BOC: variants seen among roughly 807,000 people sequenced by gnomAD.
The protein encoded by BOC is brother of CDO.
BOC carries 76 observed loss-of-function variants against 112.0 expected under a neutral mutation model. The observed-to-expected ratio is 0.68, with a 90% CI of 0.56 to 0.82. The LOEUF is 0.82. Ranked by LOEUF, BOC falls within the 40% of genes least tolerant of loss-of-function variation. The probability of loss-of-function intolerance (pLI) is 0.00; values close to 1 mark genes in which losing one functional copy is unlikely to be tolerated. For missense variants in BOC, 1,309 were observed against 1,511.7 expected, an observed-to-expected ratio of 0.87 and a Z score of 2.22; for synonymous variants, 580 against 599.8, an observed-to-expected ratio of 0.97 and a Z score of 0.48.
rs149406837 is a variant in BOC at position 113,275,706 on chromosome 3, C to A, written c.1542+1024C>A. The stretch of plus-strand genomic sequence containing the variant: ...TGGAATTAAAAGTCTTTCTCCACTC[C>A]TCCCCACCTCCACAAACAAGCAAGA... On this transcript the variant is annotated intron_variant, in intron 9 of 19. Transcript: ENST00000682979. Among the ~76,000 whole-genome samples, 360 of 152,338 alleles carry A rather than the reference C, an allele frequency of 2.4e-3. 9 individuals are homozygous for A. Among genetic ancestry groups the A allele is most frequent in the Admixed American group, 0.02 (312 of 15,306 alleles).
rs902024413 is a variant in BOC, at chr3:113,287,211, T to G, written c.*349T>G. On this transcript the variant is annotated 3_prime_UTR_variant, in exon 20 of 20. Transcript: ENST00000682979. ...GGCAAGAGGAAGGATCCCAGGCACA[T>G]GGTTCATCACGAGCATGAGGGAACA... 7.8e-6 allele frequency: 3 copies of G among 384,764 alleles called. No homozygotes were observed. The highest frequency in any genetic ancestry group is 4.3e-5 in the African/African-American group (2 of 46,972). The allele number at this position is 384,764 out of a possible 1,614,324, so 23.8% of individuals were successfully genotyped here.
chr3:113,222,444 T>A lies in BOC; in HGVS notation c.-82+6170T>A, dbSNP rs549074283. On this transcript the variant is annotated intron_variant, in intron 2 of 19. Transcript: ENST00000682979. ...ATATGGGGGGAAAATAGGAGAGATG[T>A]CCCGAGAATGCTACTGTTAAGAGTA... Among the ~76,000 whole-genome samples the A allele has an allele frequency of 2.0e-5, 3 of 152,332 alleles. No homozygotes were observed. The South Asian group carries it at 6.2e-4, about 32-fold the overall frequency.
intron 9 of BOC, among the ~76,000 whole-genome samples, chr3:113,275,689 A>G (rs1312667572): frequency 6.6e-6 from 1 of 152,232 alleles, no homozygotes; most frequent in Non-Finnish European, 1.5e-5. Flanking sequence ...TGTGGAATTA[A>G]AAGTCTTTCT....
chr3:113,240,445 A>G (rs948359852), intron 2 of BOC, among the ~76,000 whole-genome samples: 3 of 152,106 alleles, frequency 2.0e-5, no homozygotes, highest in African/African-American at 7.2e-5. Context: ...ATCTGCCCCA[A>G]CCCTGACTGT....
chr3:113,284,611 G>A (rs927341394), intron 17 of BOC, 44 bp downstream of exon 17: 1 of 1,582,862 alleles, frequency 6.3e-7, no homozygotes. Flanking sequence ...GGACACCCAG[G>A]AGGGAGTGGC....
chr3:113,275,921 C>T (rs375731021), intron 9 of BOC, among the ~76,000 whole-genome samples: 2 of 152,308 alleles, frequency 1.3e-5, no homozygotes, highest in Non-Finnish European at 2.9e-5. Context: ...CAGAGCACCC[C>T]CTATGCTCCC....
intron 16 of BOC, among the ~76,000 whole-genome samples, 154 bp downstream of exon 16, chr3:113,283,786 C>T (rs1035782900): frequency 2.0e-5 from 3 of 151,606 alleles, no homozygotes; most frequent in Admixed American, 2.0e-4. Context: ...TGGGCCCCTC[C>T]CCCAGCTCAC....
intron 2 of BOC, among the ~76,000 whole-genome samples, chr3:113,236,096 A>C (rs942946986): frequency 3.3e-5 from 5 of 151,758 alleles, no homozygotes; most frequent in Admixed American, 2.6e-4. Context: ...CATTACATAA[A>C]AAAGATACGT....
In BOC at chr3:113,258,339, C is replaced by G. The variant is rs146930533; in HGVS notation, c.376+7506C>G. Among the ~76,000 whole-genome samples, 537 of 152,296 alleles carry G rather than the reference C, an allele frequency of 3.5e-3. 2 individuals are homozygous for G. Among genetic ancestry groups the G allele is most frequent in the African/African-American group, 0.012 (489 of 41,540 alleles). ...TGGTGAGCTCAATCGAATTCTTAAT[C>G]TAGCCACCAGGTGATTGTCTCTCTC... On this transcript the variant is annotated intron_variant, in intron 4 of 19. Transcript: ENST00000682979.
intron 2 of BOC, among the ~76,000 whole-genome samples, chr3:113,221,318 T>C (rs1336984283): frequency 6.6e-6 from 1 of 152,292 alleles, no homozygotes; most frequent in East Asian, 1.9e-4. Context: ...AGCCCACTGA[T>C]AGAGTCCTCA....
chr3:113,233,132 G>A (rs1415852013), intron 2 of BOC, among the ~76,000 whole-genome samples: 2 of 147,142 alleles, frequency 1.4e-5, no homozygotes, highest in African/African-American at 5.1e-5. Context: ...GCATGCATGA[G>A]CATGTAAAGG....
At chr3:113,280,835 C>T (rs1156714066) in intron 14 of BOC, among the ~76,000 whole-genome samples, 172 bp downstream of exon 14, 1 of 152,174 alleles carries the variant, frequency 6.6e-6, no homozygotes, top group African/African-American at 2.4e-5. Flanking sequence ...CTGTCAACTT[C>T]ATGAACCCAT....
chr3:113,246,945 G>A (rs1218973308), intron 2 of BOC, among the ~76,000 whole-genome samples: 1 of 152,132 alleles, frequency 6.6e-6, no homozygotes, highest in African/African-American at 2.4e-5. Flanking sequence ...ATTACCGAGG[G>A]TGCAGAAGTA....
chr3:113,224,102 G>A (rs991503432), intron 2 of BOC, among the ~76,000 whole-genome samples: 3 of 152,236 alleles, frequency 2.0e-5, no homozygotes, highest in Admixed American at 6.5e-5. Context: ...TTGGAGCTGC[G>A]GATAGCGGTG....
Position 113,274,324 on chromosome 3 carries a change from C to A in BOC, c.1235-51C>A. 3 of 1,456,780 alleles carry A rather than the reference C, an allele frequency of 2.1e-6. No individual in the cohort carries two copies. Among genetic ancestry groups the A allele is most frequent in the Non-Finnish European group, 2.7e-6 (3 of 1,100,310 alleles). The allele number at this position is 1,456,780 out of a possible 1,614,324, so 90.2% of individuals were successfully genotyped here. The stretch of plus-strand genomic sequence containing the variant: ...TTTCTCCCCAGGAACAACAGCTCAG[C>A]AGGTAAACCAGGAGACTAACCTTTC... On this transcript the variant is annotated intron_variant, in intron 8 of 19. Coordinates refer to ENST00000682979, the MANE Select transcript of BOC (RefSeq NM_001378074.1). The surrounding 1 kb of genome is among the most constrained non-coding windows in gnomAD (Gnocchi z 4.8).
intron 4 of BOC, among the ~76,000 whole-genome samples, chr3:113,263,644 A>G (rs763072653): frequency 9.9e-5 from 15 of 152,226 alleles, no homozygotes; most frequent in Non-Finnish European, 1.3e-4. Context: ...AAATTGGGGG[A>G]TAAGCTTACA....
chr3:113,283,694 G>A, intron 16 of BOC, 62 bp downstream of exon 16: 1 of 1,490,924 alleles, frequency 6.7e-7, no homozygotes, highest in Non-Finnish European at 9.3e-7. Flanking sequence ...CCACTAAGGA[G>A]GCCTCTGCCT....
chr3:113,259,920 G>A (rs971964472), intron 4 of BOC, among the ~76,000 whole-genome samples: 2 of 152,056 alleles, frequency 1.3e-5, no homozygotes, highest in African/African-American at 4.8e-5. Flanking sequence ...CTCCATCTCC[G>A]TCCTCAGAAA....
intron 2 of BOC, among the ~76,000 whole-genome samples, chr3:113,216,979 T>C (rs1939516970): frequency 6.6e-6 from 1 of 152,194 alleles, no homozygotes; most frequent in Non-Finnish European, 1.5e-5. Context: ...GAGCAAAGAA[T>C]GTTTATTCTT....
Sources: gnomAD v4.1 joint callset for allele counts (sites outside exome capture counted in the v4.1 genomes callset) on GRCh38, gnomAD v4.1.1 for gene constraint, Gnocchi (gnomAD v3.1) non-coding constraint, MANE v1.5 for transcripts, NCBI Gene and HGNC (gene_info 2026-07-23, HGNC 2026-07-21) for gene names.